MYO3A: variants seen among roughly 807,000 people sequenced by gnomAD.
MYO3A encodes myosin IIIA.
Under a neutral mutation model 192.7 loss-of-function variants are expected in MYO3A, and 180 were observed. The ratio of observed to expected loss-of-function variants is 0.93; its 90% CI spans 0.83 to 1.06. The LOEUF is 1.06. Ranked by LOEUF, MYO3A falls within the 50% of genes least tolerant of loss-of-function variation. The pLI is 0.00. For missense variants in MYO3A, 1,896 were observed against 1,905.0 expected (o/e 1.00, Z 0.09); for synonymous variants, 628 against 645.3 (o/e 0.97, Z 0.41).
chr10:25,965,289 C>T (rs1363356961), intron 4 of MYO3A, among the ~76,000 whole-genome samples: 1 of 152,060 alleles, frequency 6.6e-6, no homozygotes, highest in African/African-American at 2.4e-5. Context: ...TACTTCATGG[C>T]GGCAGATTCC....
intron 4 of MYO3A, among the ~76,000 whole-genome samples, chr10:25,977,305 T>C (rs1242075427): frequency 6.6e-6 from 1 of 152,198 alleles, no homozygotes; most frequent in Non-Finnish European, 1.5e-5. Flanking sequence ...CAGAAAACTT[T>C]TTCTGTTCTG....
intron 4 of MYO3A, among the ~76,000 whole-genome samples, chr10:25,955,325 A>G (rs1312621026): frequency 6.6e-6 from 1 of 152,162 alleles, no homozygotes; most frequent in Non-Finnish European, 1.5e-5. Flanking sequence ...TTGTTTCATT[A>G]ACATGTGATA....
intron 10 of MYO3A, 32 bp downstream of exon 10, chr10:26,026,564 A>G: frequency 1.2e-6 from 2 of 1,611,756 alleles, no homozygotes; most frequent in Non-Finnish European, 8.5e-7. Flanking sequence ...TCCAAAATCC[A>G]GAGATTATTG....
intron 4 of MYO3A, among the ~76,000 whole-genome samples, chr10:25,971,865 CAG>C (rs1462983372): frequency 6.6e-6 from 1 of 152,056 alleles, no homozygotes; most frequent in Non-Finnish European, 1.5e-5. Flanking sequence ...TGTTTGGAGA[CAG>C]AGTCTCACTC....
chr10:25,956,150 C>G (rs1837521683), intron 4 of MYO3A, among the ~76,000 whole-genome samples: 1 of 152,126 alleles, frequency 6.6e-6, no homozygotes, highest in South Asian at 2.1e-4. Flanking sequence ...GATCTTAAAA[C>G]CGCATTCATG....
intron 31 of MYO3A, among the ~76,000 whole-genome samples, chr10:26,192,692 C>T (rs1843207677): frequency 8.5e-6 from 1 of 117,090 alleles, no homozygotes; most frequent in Non-Finnish European, 1.7e-5. Flanking sequence ...TTGTTCTTGT[C>T]ACCCAGGCTG....
chr10:26,208,901 C>A (rs538222466), intron 34 of MYO3A, among the ~76,000 whole-genome samples: 4 of 152,276 alleles, frequency 2.6e-5, no homozygotes, highest in Non-Finnish European at 5.9e-5. Flanking sequence ...ATTCAACTGG[C>A]AAACTCCAAT....
chr10:26,145,686 G>A, intron 22 of MYO3A, 152 bp downstream of exon 22: 1 of 731,478 alleles, frequency 1.4e-6, no homozygotes, highest in Admixed American at 2.1e-5. Context: ...TATGCCCTCT[G>A]ATGTCCTGTA....
intron 20 of MYO3A, among the ~76,000 whole-genome samples, chr10:26,136,594 G>T (rs867046364): frequency 2.6e-5 from 4 of 152,174 alleles, no homozygotes; most frequent in Non-Finnish European, 5.9e-5. Flanking sequence ...ATGATGAGGT[G>T]GTGTGTCAGA....
intron 6 of MYO3A, among the ~76,000 whole-genome samples, chr10:26,015,211 G>A (rs1250743236): frequency 6.6e-6 from 1 of 151,930 alleles, no homozygotes; most frequent in East Asian, 1.9e-4. Flanking sequence ...GTTCAGCCTT[G>A]GTCCTTTTTG....
intron 23 of MYO3A, among the ~76,000 whole-genome samples, chr10:26,153,489 A>G (rs1202241757): frequency 6.6e-6 from 1 of 152,234 alleles, no homozygotes; most frequent in East Asian, 1.9e-4. Context: ...TTTCAGGCCA[A>G]TTGTAAAGCT....
chr10:26,044,036 C>T (rs1843504958), intron 10 of MYO3A, among the ~76,000 whole-genome samples: 1 of 152,148 alleles, frequency 6.6e-6, no homozygotes, highest in South Asian at 2.1e-4. Context: ...GGTGATGGGT[C>T]GTGCCAGGTC....
chr10:26,067,473 T>A (rs116653640), intron 11 of MYO3A, among the ~76,000 whole-genome samples: 2 of 152,164 alleles, frequency 1.3e-5, no homozygotes, highest in Non-Finnish European at 2.9e-5. Context: ...GTAACCACCA[T>A]GTGGTGGCCT....
At chr10:26,181,765 A>G (rs528386252) in intron 31 of MYO3A, among the ~76,000 whole-genome samples, 3 of 151,514 alleles carry the variant, frequency 2.0e-5, no homozygotes, top group Admixed American at 6.6e-5. Context: ...TGACTTGGCA[A>G]TATGTCCAAA....
intron 7 of MYO3A, among the ~76,000 whole-genome samples, chr10:26,018,399 A>G (rs887148528): frequency 6.6e-6 from 1 of 152,132 alleles, no homozygotes; most frequent in Non-Finnish European, 1.5e-5. Flanking sequence ...CATATCTACC[A>G]CTCTATGGTA....
chr10:26,200,848 T>G (rs1843646556), intron 32 of MYO3A: 1 of 152,684 alleles, frequency 6.5e-6, no homozygotes, highest in African/African-American at 2.4e-5. Context: ...CACCCATCTG[T>G]TTTACCTGCA....
At position 26,039,302 on chromosome 10, in the gene MYO3A, C is replaced by T. The variant is rs145093073; in HGVS notation, c.953+12770C>T. ...ATCGAATTCCCAACCTCAGGTCATC[C>T]GCCTGTCTCGGCCTCCCAAAGTGCT... On this transcript the variant is annotated intron_variant, in intron 10 of 34. Coordinates refer to ENST00000642920, the MANE Select transcript of MYO3A (RefSeq NM_017433.5). 3.1e-3 allele frequency among the ~76,000 whole-genome samples: 468 copies of T among 149,358 alleles called. 3 individuals carry two copies. Among genetic ancestry groups the T allele is most frequent in the African/African-American group, 0.011 (428 of 40,374 alleles).
chr10:26,095,121 A>G (rs1286420133), intron 15 of MYO3A, among the ~76,000 whole-genome samples: 1 of 152,188 alleles, frequency 6.6e-6, no homozygotes, highest in Non-Finnish European at 1.5e-5. Flanking sequence ...GCCACTGCCA[A>G]AAGTGGCAGG....
chr10:26,088,892 A>G (rs150547069), intron 15 of MYO3A, among the ~76,000 whole-genome samples: 2 of 152,348 alleles, frequency 1.3e-5, no homozygotes, highest in Non-Finnish European at 2.9e-5. Flanking sequence ...TAAGCCATCA[A>G]TACTCTTCAT....
Sources: gnomAD v4.1 joint callset for allele counts (sites outside exome capture counted in the v4.1 genomes callset) on GRCh38, gnomAD v4.1.1 for gene constraint, MANE v1.5 for transcripts, NCBI Gene and HGNC (gene_info 2026-07-23, HGNC 2026-07-21) for gene names.